RNF225: variants seen among roughly 807,000 people sequenced by gnomAD.
RNF225 encodes ring finger protein 225.
For synonymous variants in RNF225, 295 were observed against 260.4 expected, an observed-to-expected ratio of 1.13 and a Z score of -1.28; for missense variants, 510 against 509.8, an observed-to-expected ratio of 1.00 and a Z score of 0.00.
In RNF225 at chr19:58,395,946, T is replaced by C; in HGVS notation, c.-144T>C. 1 of 824,964 alleles carries C rather than the reference T, an allele frequency of 1.2e-6. No individual in the cohort carries two copies. The highest frequency in any genetic ancestry group is 1.8e-6 in the Non-Finnish European group (1 of 563,718). The allele number at this position is 824,964 out of a possible 1,614,324, so 51.1% of individuals were successfully genotyped here. On this transcript the variant is annotated 5_prime_UTR_variant, in exon 1 of 1. Coordinates refer to ENST00000601382, the MANE Select transcript of RNF225 (RefSeq NM_001195135.2). ...CTCCTCGACGCTAGCTACACCCTTC[T>C]CGGGATGGGGTGCTCTGTACTGGGG...
At position 58,395,672 on chromosome 19, in the gene RNF225, C is replaced by T. The variant is rs985020492; in HGVS notation, c.-418C>T. Reference sequence around the variant, plus strand: ...CAGGCCAGGAACAGACAGGGACACGCCACTGGCCAGAGGGAGGAGGCTTCC... The same window carrying T: ...CAGGCCAGGAACAGACAGGGACACGTCACTGGCCAGAGGGAGGAGGCTTCC... On this transcript the variant is annotated 5_prime_UTR_variant, in exon 1 of 1. Transcript: ENST00000601382. Among the ~76,000 whole-genome samples, 24 of 149,052 alleles carry T rather than the reference C, an allele frequency of 1.6e-4. No homozygotes were observed. Among genetic ancestry groups the T allele is most frequent in the African/African-American group, 6.0e-4 (23 of 38,584 alleles).
At position 58,396,361 on chromosome 19, in the gene RNF225, G is replaced by T. The variant is rs1331944648; in HGVS notation, c.272G>T (p.Cys91Phe). 6.5e-7 allele frequency: 1 copy of T among 1,535,252 alleles called. No individual in the cohort carries two copies. The highest frequency in any genetic ancestry group is 8.7e-7 in the Non-Finnish European group (1 of 1,146,604). The change falls in exon 1 of 1, where the codon TGC becomes TTC. Residue 91 changes from cysteine to phenylalanine, a missense_variant. Transcript: ENST00000601382. ...TGCGGCCACGTCTTCTGTCTCGAGT[G>T]CCTGGCGCGCCTATCGTTGGCCACG... ...LDCGHVFCLECLARLSLATAG... is the reference protein window; with the variant it reads ...LDCGHVFCLEFLARLSLATAG...
Position 58,396,212 on chromosome 19 carries a change from G to A in RNF225, c.123G>A (p.Glu41=), listed in dbSNP as rs1182411231. ...GCAGAGGGGAAGACCAGGAGGAGGA[G>A]GAGGAGGAGGAAGGGGACGGCAGCC... The part of the protein sequence containing the change: ...SPSRGEDQEE[E]EEEEGDGSPG... The change falls in exon 1 of 1, where the codon GAG becomes GAA. Residue 41 remains glutamate, a synonymous_variant. Transcript: ENST00000601382. The A allele has an allele frequency of 5.2e-6, 8 of 1,543,552 alleles. No individual in the cohort carries two copies. Among genetic ancestry groups the A allele is most frequent in the Non-Finnish European group, 6.9e-6 (8 of 1,151,594 alleles).
At position 58,396,944 on chromosome 19, in the gene RNF225, C is replaced by G. The variant is rs1271005623; in HGVS notation, c.855C>G (p.Pro285=). 3 of 1,533,932 alleles carry G rather than the reference C, an allele frequency of 2.0e-6. No individual in the cohort carries two copies. The Admixed American group carries it at 5.9e-5, about 30-fold the overall frequency. The change falls in exon 1 of 1, where the codon CCC becomes CCG. Residue 285 remains proline (P), a synonymous_variant. Transcript: ENST00000601382. ...GAACTGCAGAAGATGCGCTGGAGCC[C>G]GAGGCGGGCCCCGAGGACCCGGCGG... is the stretch of plus-strand genomic sequence containing the variant. ...LPGTAEDALE[P]EAGPEDPAEA...
In RNF225 at chr19:58,396,367, C is replaced by A. The variant is rs765137615; in HGVS notation, c.278C>A (p.Ala93Glu). 251 of 1,535,084 alleles carry A rather than the reference C, an allele frequency of 1.6e-4. No individual in the cohort carries two copies. The highest frequency in any genetic ancestry group is 2.1e-4 in the Non-Finnish European group (241 of 1,146,582). Residue 93 changes from alanine (A) to glutamate (E), a missense_variant, in exon 1 of 1, where the codon GCG becomes GAG. Transcript: ENST00000601382. Reference sequence around the variant, plus strand: ...CACGTCTTCTGTCTCGAGTGCCTGGCGCGCCTATCGTTGGCCACGGCGGGC... The same window carrying A: ...CACGTCTTCTGTCTCGAGTGCCTGGAGCGCCTATCGTTGGCCACGGCGGGC... ...CGHVFCLECL[A>E]RLSLATAGGG... is the part of the protein sequence containing the mutation.
At position 58,396,271 on chromosome 19, in the gene RNF225, C is replaced by G; in HGVS notation, c.182C>G (p.Pro61Arg). Residue 61 changes from proline to arginine, a missense_variant, in exon 1 of 1, where the codon CCG becomes CGG. By Grantham distance (103) the Pro-to-Arg change is moderately radical. Coordinates refer to ENST00000601382, the MANE Select transcript of RNF225 (RefSeq NM_001195135.2). ...GSGPILPPAS[P>R]VECLICVSSF... Reference sequence around the variant, plus strand: ...GGCCCTATCCTGCCCCCCGCCTCCCCGGTGGAGTGCCTCATCTGCGTGTCG... The same window carrying G: ...GGCCCTATCCTGCCCCCCGCCTCCCGGGTGGAGTGCCTCATCTGCGTGTCG... 1 of 1,536,218 alleles carries G rather than the reference C, an allele frequency of 6.5e-7. No homozygotes were observed. The highest frequency in any genetic ancestry group is 8.7e-7 in the Non-Finnish European group (1 of 1,147,058).
At position 58,396,321 on chromosome 19, in the gene RNF225, C is replaced by T; in HGVS notation, c.232C>T (p.Pro78Ser). ...GTCCTTCGACGGCGTGTTCAAGCTG[C>T]CCAAGCGCCTGGACTGCGGCCACGT... ...VSSFDGVFKL[P>S]KRLDCGHVFC... The change falls in exon 1 of 1, where the codon CCC becomes TCC. Residue 78 changes from proline (P) to serine (S), a missense_variant. By Grantham distance (74) the Pro-to-Ser change is moderately conservative. Coordinates refer to ENST00000601382, the MANE Select transcript of RNF225 (RefSeq NM_001195135.2). 1 of 1,535,766 alleles carries T rather than the reference C, an allele frequency of 6.5e-7. No individual in the cohort carries two copies. Among genetic ancestry groups the T allele is most frequent in the Admixed American group, 2.0e-5 (1 of 51,000 alleles).
At position 58,396,723 on chromosome 19, in the gene RNF225, C is replaced by T. The variant is rs1432905017; in HGVS notation, c.634C>T (p.Leu212Phe). 2 of 1,504,062 alleles carry T rather than the reference C, an allele frequency of 1.3e-6. No individual in the cohort carries two copies. Among genetic ancestry groups the T allele is most frequent in the African/African-American group, 2.9e-5 (2 of 68,634 alleles). 93.2% of individuals were successfully genotyped at this position (1,504,062 alleles called of 1,614,324 possible). A position where few individuals can be genotyped will look rare whatever the true frequency, so the allele number is the denominator to read the frequency against. ...GCTGGCGGTGCTGGTGGCCGCGGGC[C>T]TCGTGGTCTCGGGCGTCTACATCTT... The part of the protein sequence containing the change: ...VALAVLVAAG[L>F]VVSGVYIFFL... The change falls in exon 1 of 1, where the codon CTC becomes TTC. Residue 212 changes from leucine (L) to phenylalanine (F), a missense_variant. Physicochemically the swap from Leu to Phe is conservative, Grantham distance 22. Coordinates refer to ENST00000601382, the MANE Select transcript of RNF225 (RefSeq NM_001195135.2).
Position 58,396,672 on chromosome 19 carries a change from G to A in RNF225, c.583G>A (p.Ala195Thr). 1 of 1,479,810 alleles carries A rather than the reference G, an allele frequency of 6.8e-7. No individual in the cohort carries two copies. The highest frequency in any genetic ancestry group is 2.9e-5 in the East Asian group (1 of 34,138). The allele number at this position is 1,479,810 out of a possible 1,614,324, so 91.7% of individuals were successfully genotyped here. Residue 195 changes from alanine to threonine, a missense_variant, in exon 1 of 1, where the codon GCC becomes ACC. By Grantham distance (58) the Ala-to-Thr change is moderately conservative (BLOSUM62 0). Coordinates refer to ENST00000601382, the MANE Select transcript of RNF225 (RefSeq NM_001195135.2). ...GCGCCGCTTGTCGCTGGCCAGCCCG[G>A]CCTGGGTCTTCAACGCTGCCGTGGC... ...LSRRLSLASP[A>T]WVFNAAVALA...
rs1181760780 is a variant in RNF225 at position 58,396,461 on chromosome 19, C to A, written c.372C>A (p.Pro124=). ...PTRLAPRRGL[P]ALPTQSGLLP... is the part of the protein sequence containing the mutation. ...GCCTGGCCCCCCGCCGCGGACTCCCCGCGTTGCCCACGCAGTCCGGTCTCC... is the reference window on the plus strand; with the variant it reads ...GCCTGGCCCCCCGCCGCGGACTCCCAGCGTTGCCCACGCAGTCCGGTCTCC... Residue 124 remains proline (P), a synonymous_variant, in exon 1 of 1, where the codon CCC becomes CCA. Transcript: ENST00000601382. 2.1e-5 allele frequency: 30 copies of A among 1,416,830 alleles called. 1 individual carries two copies. In the South Asian group the frequency reaches 4.3e-4, roughly 20 times the overall value. 87.8% of individuals were successfully genotyped at this position (1,416,830 alleles called of 1,614,324 possible). A position where few individuals can be genotyped will look rare whatever the true frequency, so the allele number is the denominator to read the frequency against.
rs1299046317 is a variant in RNF225, at chr19:58,396,892, G to A, written c.803G>A (p.Gly268Asp). 6.5e-7 allele frequency: 1 copy of A among 1,532,668 alleles called. No homozygotes were observed. The highest frequency in any genetic ancestry group is 8.7e-7 in the Non-Finnish European group (1 of 1,145,734). The allele number at this position is 1,532,668 out of a possible 1,614,324, so 94.9% of individuals were successfully genotyped here. ...WAPAWTPRPT[G>D]PDLDTALPGT... is the part of the protein sequence containing the mutation. Reference sequence around the variant, plus strand: ...CCCGCCTGGACGCCGCGCCCCACGGGCCCTGACCTGGACACGGCCCTGCCA... The same window carrying A: ...CCCGCCTGGACGCCGCGCCCCACGGACCCTGACCTGGACACGGCCCTGCCA... Residue 268 changes from glycine (G) to aspartate (D), a missense_variant, in exon 1 of 1, where the codon GGC (glycine) becomes GAC (aspartate). Gly to Asp is a moderately conservative substitution (Grantham distance 94). Coordinates refer to ENST00000601382, the MANE Select transcript of RNF225 (RefSeq NM_001195135.2).
Position 58,396,157 on chromosome 19 carries a change from C to T in RNF225, c.68C>T (p.Pro23Leu), listed in dbSNP as rs541993348. Residue 23 changes from proline to leucine, a missense_variant, in exon 1 of 1, where the codon CCA (proline) becomes CTA (leucine). Physicochemically the swap from Pro to Leu is moderately conservative, Grantham distance 98. Coordinates refer to ENST00000601382, the MANE Select transcript of RNF225 (RefSeq NM_001195135.2). ...RAPQGSGPSS[P>L]GSLSAPRSPS... ...CCCCAGGGCTCGGGTCCCAGCTCCC[C>T]AGGCTCGCTCTCTGCGCCCCGCTCC... 3 of 1,534,820 alleles carry T rather than the reference C, an allele frequency of 2.0e-6. No individual in the cohort carries two copies. Among genetic ancestry groups the T allele is most frequent in the Non-Finnish European group, 2.6e-6 (3 of 1,146,758 alleles).
Position 58,395,980 on chromosome 19 carries a change from C to G in RNF225, c.-110C>G, listed in dbSNP as rs902778822. ...GGTGCTCTGTACTGGGGGATCCTCT[C>G]TAAAGTACAGTCCCCAGTCTTCCCT... On this transcript the variant is annotated 5_prime_UTR_variant, in exon 1 of 1. Transcript: ENST00000601382. 36 of 1,144,248 alleles carry G rather than the reference C, an allele frequency of 3.1e-5. No individual in the cohort carries two copies. The highest frequency in any genetic ancestry group is 4.2e-5 in the Non-Finnish European group (35 of 835,040). 70.9% of individuals were successfully genotyped at this position (1,144,248 alleles called of 1,614,324 possible).
chr19:58,396,598 C>A lies in RNF225; in HGVS notation c.509C>A (p.Ala170Asp). 8.9e-7 allele frequency: 1 copy of A among 1,128,434 alleles called. No individual in the cohort carries two copies. Among genetic ancestry groups the A allele is most frequent in the Non-Finnish European group, 1.1e-6 (1 of 925,448 alleles). 69.9% of individuals were successfully genotyped at this position (1,128,434 alleles called of 1,614,324 possible). A position where few individuals can be genotyped will look rare whatever the true frequency, so the allele number is the denominator to read the frequency against. The change falls in exon 1 of 1, where the codon GCC becomes GAC. Residue 170 changes from alanine (A) to aspartate (D), a missense_variant. By Grantham distance (126) the Ala-to-Asp change is moderately radical. Coordinates refer to ENST00000601382, the MANE Select transcript of RNF225 (RefSeq NM_001195135.2). Reference sequence around the variant, plus strand: ...CCGCCCCCGCCCGGGCCGCGCAAGGCCCGCGCCCCGCCGCCCCCGCCGCCT... The same window carrying A: ...CCGCCCCCGCCCGGGCCGCGCAAGGACCGCGCCCCGCCGCCCCCGCCGCCT... ...PPPPPPGPRKARAPPPPPPLR... is the reference protein window; with the variant it reads ...PPPPPPGPRKDRAPPPPPPLR...
chr19:58,396,981 A>G lies in RNF225; in HGVS notation c.892A>G (p.Thr298Ala). 6.5e-7 allele frequency: 1 copy of G among 1,534,150 alleles called. No homozygotes were observed. Among genetic ancestry groups the G allele is most frequent in the East Asian group, 2.4e-5 (1 of 40,854 alleles). ...GPEDPAEAERTLDRRSDGTWG... is the reference protein window; with the variant it reads ...GPEDPAEAERALDRRSDGTWG... ...CGAGGACCCGGCGGAGGCCGAGAGGACGCTGGACAGGCGATCGGATGGCAC... is the reference window on the plus strand; with the variant it reads ...CGAGGACCCGGCGGAGGCCGAGAGGGCGCTGGACAGGCGATCGGATGGCAC... The change falls in exon 1 of 1, where the codon ACG becomes GCG. Residue 298 changes from threonine to alanine, a missense_variant. Thr to Ala is a moderately conservative substitution (Grantham distance 58, BLOSUM62 0). Coordinates refer to ENST00000601382, the MANE Select transcript of RNF225 (RefSeq NM_001195135.2).
At position 58,396,412 on chromosome 19, in the gene RNF225, G is replaced by A; in HGVS notation, c.323G>A (p.Cys108Tyr). 2 of 1,521,454 alleles carry A rather than the reference G, an allele frequency of 1.3e-6. No homozygotes were observed. The highest frequency in any genetic ancestry group is 1.8e-6 in the Non-Finnish European group (2 of 1,141,216). The allele number at this position is 1,521,454 out of a possible 1,614,324, so 94.2% of individuals were successfully genotyped here. Residue 108 changes from cysteine to tyrosine, a missense_variant, in exon 1 of 1, where the codon TGT (cysteine) becomes TAT (tyrosine). Transcript: ENST00000601382. ...ATAGGGNAVA[C>Y]PVCRAPTRLA... Reference sequence around the variant, plus strand: ...GCGGGCGGCGGCAACGCGGTGGCCTGTCCGGTGTGCCGCGCGCCCACGCGC... The same window carrying A: ...GCGGGCGGCGGCAACGCGGTGGCCTATCCGGTGTGCCGCGCGCCCACGCGC...
In RNF225 at chr19:58,395,986, T is replaced by A. The variant is rs2052395089; in HGVS notation, c.-104T>A. The A allele has an allele frequency of 1.6e-5, 19 of 1,172,658 alleles. No individual in the cohort carries two copies. Among genetic ancestry groups the A allele is most frequent in the Middle Eastern group, 5.9e-4 (2 of 3,398 alleles). 72.6% of individuals were successfully genotyped at this position (1,172,658 alleles called of 1,614,324 possible). A position where few individuals can be genotyped will look rare whatever the true frequency, so the allele number is the denominator to read the frequency against. On this transcript the variant is annotated 5_prime_UTR_variant, in exon 1 of 1. Transcript: ENST00000601382. ...CTGTACTGGGGGATCCTCTCTAAAGTACAGTCCCCAGTCTTCCCTGGATTC... is the reference window on the plus strand; with the variant it reads ...CTGTACTGGGGGATCCTCTCTAAAGAACAGTCCCCAGTCTTCCCTGGATTC...
rs1315299959 is a variant in RNF225, at chr19:58,396,934, C to G, written c.845C>G (p.Ala282Gly). 2.0e-5 allele frequency: 31 copies of G among 1,533,956 alleles called. No individual in the cohort carries two copies. The highest frequency in any genetic ancestry group is 2.7e-5 in the African/African-American group (2 of 72,932). The change falls in exon 1 of 1, where the codon GCG (alanine) becomes GGG (glycine). Residue 282 changes from alanine to glycine, a missense_variant. Ala to Gly is a moderately conservative substitution (Grantham distance 60). Coordinates refer to ENST00000601382, the MANE Select transcript of RNF225 (RefSeq NM_001195135.2). ...DTALPGTAED[A>G]LEPEAGPEDP... ...GCCCTGCCAGGAACTGCAGAAGATG[C>G]GCTGGAGCCCGAGGCGGGCCCCGAG... is the stretch of plus-strand genomic sequence containing the variant.
Position 58,395,830 on chromosome 19 carries a change from GGTCT to G in RNF225, c.-255_-252del, listed in dbSNP as rs1405249490. Among the ~76,000 whole-genome samples the G allele has an allele frequency of 6.7e-6, 1 of 149,466 alleles. No homozygotes were observed. Among genetic ancestry groups the G allele is most frequent in the African/African-American group, 2.6e-5 (1 of 39,006 alleles). On this transcript the variant is annotated 5_prime_UTR_variant, in exon 1 of 1. Coordinates refer to ENST00000601382, the MANE Select transcript of RNF225 (RefSeq NM_001195135.2). ...CCTCCCCATCTCCGTGTTCAACTGC[GGTCT>G]GTCTCTCCGTTTCCAATTCAGGAAC... is the stretch of plus-strand genomic sequence containing the variant.
Sources: gnomAD v4.1 joint callset for allele counts (sites outside exome capture counted in the v4.1 genomes callset) on GRCh38, gnomAD v4.1.1 for gene constraint, MANE v1.5 for transcripts, NCBI Gene and HGNC (gene_info 2026-07-23, HGNC 2026-07-21) for gene names.